The following DCDC2 variants were observed in gnomAD, a reference collection of about 807,000 sequenced individuals.
DCDC2 encodes the protein doublecortin domain-containing protein 2.
In DCDC2, 40 loss-of-function variants were observed where a neutral mutation model predicts 50.2. That is an observed-to-expected ratio of 0.80 (90% CI 0.62 to 1.04). The LOEUF is 1.04. DCDC2 is among the 50% of genes least tolerant of loss of function. The probability of loss-of-function intolerance (pLI) is 0.00; values close to 1 mark genes in which losing one functional copy is unlikely to be tolerated. For synonymous variants in DCDC2, 234 were observed against 210.6 expected (o/e 1.11, Z -0.96); for missense variants, 570 against 581.9 (o/e 0.98, Z 0.21).
chr6:24,185,073 AAAT>A (rs1401957336), intron 8 of DCDC2, among the ~76,000 whole-genome samples: 1 of 152,238 alleles, frequency 6.6e-6, no homozygotes, highest in East Asian at 1.9e-4. Flanking sequence ...AAAAATGGCA[AAAT>A]AATAACATAT....
intron 2 of DCDC2, among the ~76,000 whole-genome samples, chr6:24,348,052 T>C (rs1760300108): frequency 6.6e-6 from 1 of 152,168 alleles, no homozygotes; most frequent in Non-Finnish European, 1.5e-5. Context: ...ACAACTCTGA[T>C]GTATATGTTA....
Position 24,180,347 on chromosome 6 carries a change from C to T in DCDC2, c.1024-1715G>A, listed in dbSNP as rs189560889. ...TCGCCCTGGCTGGAGTGCAGTGGTG[C>T]GATCTCTGCTCACTGCAAGCCCCGC... On this transcript the variant is annotated intron_variant, in intron 8 of 9. Coordinates refer to ENST00000378454, the MANE Select transcript of DCDC2 (RefSeq NM_016356.5). 1.2e-3 allele frequency among the ~76,000 whole-genome samples: 178 copies of T among 151,996 alleles called. 2 individuals are homozygous for T. Among genetic ancestry groups the T allele is most frequent in the Admixed American group, 5.7e-3 (87 of 15,274 alleles).
intron 7 of DCDC2, 97 bp from the exon 8 acceptor site, chr6:24,205,199 T>G (rs1470344902): frequency 6.2e-7 from 1 of 1,613,828 alleles, no homozygotes; most frequent in East Asian, 2.2e-5. Flanking sequence ...TTAATAGACA[T>G]TTGGATTCCC....
chr6:24,271,222 A>AAAAAAAC (rs1284663082), intron 7 of DCDC2, among the ~76,000 whole-genome samples: 1 of 149,848 alleles, frequency 6.7e-6, no homozygotes, highest in African/African-American at 2.4e-5. Flanking sequence ...AAAAAAAAAA[A>AAAAAAAC]AAAGAGAGAG....
At chr6:24,367,872 A>C in the DCDC2 span, among the ~76,000 whole-genome samples, 2 of 152,242 alleles carry the variant, frequency 1.3e-5, no homozygotes, top group African/African-American at 4.8e-5. Context: ...TATCACAGGC[A>C]GAATGTAAAA....
intron 7 of DCDC2, among the ~76,000 whole-genome samples, chr6:24,212,507 A>G (rs769100881): frequency 3.9e-5 from 6 of 152,162 alleles, no homozygotes; most frequent in Non-Finnish European, 7.4e-5. Flanking sequence ...ACACCCACAC[A>G]TCTTCCAGAG....
At chr6:24,209,084 A>G (rs187104172) in intron 7 of DCDC2, among the ~76,000 whole-genome samples, 2 of 152,364 alleles carry the variant, frequency 1.3e-5, no homozygotes, top group East Asian at 1.9e-4. Context: ...TCCGAATGAT[A>G]TAATAAGAAT....
chr6:24,222,787 C>T (rs868434468), intron 7 of DCDC2, among the ~76,000 whole-genome samples: 34 of 152,152 alleles, frequency 2.2e-4, no homozygotes, highest in South Asian at 4.1e-4. Flanking sequence ...CAATAGAATA[C>T]GCTACAATAC....
At chr6:24,372,259 A>C in the DCDC2 span, among the ~76,000 whole-genome samples, 10 of 152,084 alleles carry the variant, frequency 6.6e-5, no homozygotes, top group Admixed American at 2.0e-4. Context: ...TCTCTACTAA[A>C]AACACAAAAA....
At chr6:24,245,157 G>A (rs1442854470) in intron 7 of DCDC2, among the ~76,000 whole-genome samples, 1 of 152,192 alleles carries the variant, frequency 6.6e-6, no homozygotes, top group Non-Finnish European at 1.5e-5. Flanking sequence ...TCATGCCACT[G>A]CACTCCAGCC....
At position 24,232,107 on chromosome 6, in the gene DCDC2, G is replaced by T. The variant is rs549584605; in HGVS notation, c.923-27005C>A. Among the ~76,000 whole-genome samples, 9 of 151,236 alleles carry T rather than the reference G, an allele frequency of 6.0e-5. 1 individual carries two copies. The highest frequency in any genetic ancestry group is 1.3e-4 in the Non-Finnish European group (9 of 67,896). ...TTAAACTTTATACAGCAATTTAATC[G>T]AATATAACAGATATAAAAAGATATA... On this transcript the variant is annotated intron_variant, in intron 7 of 9. Transcript: ENST00000378454.
chr6:24,358,779 TAATATATAAAATATATA>T (rs1176921923), upstream of DCDC2, among the ~76,000 whole-genome samples: 58 of 89,176 alleles, frequency 6.5e-4, 2 homozygotes, highest in Admixed American at 2.7e-3. Flanking sequence ...TTTTTATATA[TAATATATAAAATATATA>T]TTTTATATAT....
At chr6:24,306,023 T>C (rs1398214231) in intron 2 of DCDC2, among the ~76,000 whole-genome samples, 1 of 151,278 alleles carries the variant, frequency 6.6e-6, no homozygotes, top group Non-Finnish European at 1.5e-5. Flanking sequence ...AGCAAAACTC[T>C]GTCTCAAAAA....
the DCDC2 span, among the ~76,000 whole-genome samples, chr6:24,372,413 C>T: frequency 1.5e-4 from 22 of 150,344 alleles, no homozygotes; most frequent in Non-Finnish European, 2.7e-4. Flanking sequence ...AGCAAGTCTC[C>T]GTCTCAAAAA....
At chr6:24,207,368 T>G (rs1167209169) in intron 7 of DCDC2, among the ~76,000 whole-genome samples, 1 of 152,108 alleles carries the variant, frequency 6.6e-6, no homozygotes, top group Admixed American at 6.6e-5. Flanking sequence ...ATCATTTCTT[T>G]AAAACCATAT....
chr6:24,248,804 CATAA>C (rs1762739085), intron 7 of DCDC2, among the ~76,000 whole-genome samples: 1 of 152,094 alleles, frequency 6.6e-6, no homozygotes. Flanking sequence ...TTAACTCCTG[CATAA>C]ATATTAAATT....
At chr6:24,268,214 C>T (rs73394067) in intron 7 of DCDC2, among the ~76,000 whole-genome samples, 8,448 of 152,204 alleles carry the variant, frequency 0.056, 511 homozygotes, top group African/African-American at 0.16. Flanking sequence ...TGGCCAGGCG[C>T]GGTGACTCAC....
chr6:24,369,564 C>T, the DCDC2 span, among the ~76,000 whole-genome samples: 5 of 151,474 alleles, frequency 3.3e-5, no homozygotes, highest in South Asian at 2.1e-4. Context: ...GAGCCGAGAT[C>T]GCGCCGCTGC....
intron 7 of DCDC2, among the ~76,000 whole-genome samples, chr6:24,258,134 C>T (rs191309720): frequency 1.3e-3 from 201 of 152,270 alleles, no homozygotes; most frequent in Non-Finnish European, 2.6e-4. Context: ...CGCCACTGAC[C>T]TTCACAGTGA....
Sources: gnomAD v4.1 joint callset for allele counts (sites outside exome capture counted in the v4.1 genomes callset) on GRCh38, gnomAD v4.1.1 for gene constraint, MANE v1.5 for transcripts, NCBI Gene and HGNC (gene_info 2026-07-23, HGNC 2026-07-21) for gene names.